TEX19: variants seen among roughly 807,000 people sequenced by gnomAD.
TEX19 encodes the protein testis expressed 19, also known as testis-expressed protein 19.
For missense variants in TEX19, 184 were observed against 194.4 expected, an observed-to-expected ratio of 0.95 and a Z score of 0.32; for synonymous variants, 77 against 73.9, an observed-to-expected ratio of 1.04 and a Z score of -0.21.
chr17:82,359,526 CAGTTTCCCTCAGGTTCCCT>C (rs2052357945), intron 1 of TEX19, among the ~76,000 whole-genome samples: 1 of 127,474 alleles, frequency 7.8e-6, no homozygotes, highest in Non-Finnish European at 1.7e-5. Flanking sequence ...CAGGTTCCCT[CAGTTTCCCTCAGGTTCCCT>C]CAGTTTCCCT....
Position 82,362,644 on chromosome 17 carries a change from A to G in TEX19, c.494A>G (p.Ter165TrpextTer32), listed in dbSNP as rs1567854255. ...CACTGGCCAAGCTTCTTTCCTTCAT[A>G]GCAGGGGTTTCTCAAAGTGGACCTG... is the stretch of plus-strand genomic sequence containing the variant. ...CSHWPSFFPS[*>W] The change falls in exon 2 of 2, where the codon TAG becomes TGG. Residue 165 changes from the stop codon to tryptophan (W), a stop_lost. Transcript: ENST00000333437. This position sits in a 1 kb window ranked among gnomAD's most constrained non-coding sequence, Gnocchi z 5.5. The G allele has an allele frequency of 6.5e-7, 1 of 1,533,742 alleles. No homozygotes were observed. Among genetic ancestry groups the G allele is most frequent in the Non-Finnish European group, 8.7e-7 (1 of 1,145,606 alleles).
Position 82,361,942 on chromosome 17 carries a change from C to A in TEX19, c.-209C>A. The A allele has an allele frequency of 1.3e-6, 1 of 758,188 alleles. No individual in the cohort carries two copies. The highest frequency in any genetic ancestry group is 2.0e-6 in the Non-Finnish European group (1 of 496,704). 47.0% of individuals were successfully genotyped at this position (758,188 alleles called of 1,614,324 possible). On this transcript the variant is annotated 5_prime_UTR_variant, in exon 2 of 2. Transcript: ENST00000333437. ...ATTTCCAGAAGTTCAAGCTTCCACC[C>A]TCTGCAGGTCCCCACTGAGCTGGGA...
intron 1 of TEX19, chr17:82,361,530 GTTCCCCCAGT>G (rs1174380875): frequency 1.3e-6 from 1 of 755,596 alleles, no homozygotes; most frequent in African/African-American, 2.7e-5. Flanking sequence ...TTTCCCTCAG[GTTCCCCCAGT>G]TTCCCTCAGG....
Position 82,362,257 on chromosome 17 carries a change from C to A in TEX19, c.107C>A (p.Thr36Asn). Reference protein sequence around the residue: ...QHGDQLSICFTCFKAAFLDFK... With the variant: ...QHGDQLSICFNCFKAAFLDFK... ...GGAGATCAGCTAAGCATTTGCTTCA[C>A]CTGCTTCAAGGCTGCCTTTCTAGAC... The change falls in exon 2 of 2, where the codon ACC (threonine) becomes AAC (asparagine). Residue 36 changes from threonine (T) to asparagine (N), a missense_variant. By Grantham distance (65) the Thr-to-Asn change is moderately conservative. Coordinates refer to ENST00000333437, the MANE Select transcript of TEX19 (RefSeq NM_207459.4). The surrounding 1 kb of genome is among the most constrained non-coding windows in gnomAD (Gnocchi z 5.5). The A allele has an allele frequency of 6.2e-7, 1 of 1,614,054 alleles. No individual in the cohort carries two copies. Among genetic ancestry groups the A allele is most frequent in the South Asian group, 1.1e-5 (1 of 91,092 alleles).
In TEX19 at chr17:82,362,345, G is replaced by A; in HGVS notation, c.195G>A (p.Glu65=). ...ACAACTGGGACCCTGAGCTGATGGA[G>A]CACACTGAGGCAGAGTCAGAGCAGG... ...EEDNWDPELM[E]HTEAESEQEG... Residue 65 remains glutamate (E), a synonymous_variant, in exon 2 of 2, where the codon GAG becomes GAA. Coordinates refer to ENST00000333437, the MANE Select transcript of TEX19 (RefSeq NM_207459.4). This position sits in a 1 kb window ranked among gnomAD's most constrained non-coding sequence, Gnocchi z 5.5. 1.2e-6 allele frequency: 2 copies of A among 1,613,766 alleles called. No individual in the cohort carries two copies. The highest frequency in any genetic ancestry group is 1.3e-5 in the African/African-American group (1 of 75,064).
At chr17:82,361,495 C>T in intron 1 of TEX19, 2 of 504,560 alleles carry the variant, frequency 4.0e-6, no homozygotes, top group Non-Finnish European at 5.1e-6. Flanking sequence ...CTCAGGTTCC[C>T]CCAGTTTCCC....
intron 1 of TEX19, among the ~76,000 whole-genome samples, chr17:82,359,926 GT>G (rs1445923845): frequency 6.0e-4 from 69 of 115,048 alleles, no homozygotes; most frequent in Admixed American, 1.0e-3. Flanking sequence ...GTTTCCCTCA[GT>G]TTCCCTCAAG....
Position 82,362,497 on chromosome 17 carries a change from A to T in TEX19, c.347A>T (p.Asp116Val). Residue 116 changes from aspartate (D) to valine (V), a missense_variant, in exon 2 of 2, where the codon GAC becomes GTC. By Grantham distance (152) the Asp-to-Val change is radical (BLOSUM62 -3). Transcript: ENST00000333437. The surrounding 1 kb of genome is among the most constrained non-coding windows in gnomAD (Gnocchi z 5.5). ...GAAGGGTTGGAAGATGCAGGTCTGG[A>T]CCCCCACTTTGTCCCCACTGAACTA... ...APEGLEDAGL[D>V]PHFVPTELWP... 1 of 1,612,536 alleles carries T rather than the reference A, an allele frequency of 6.2e-7. No individual in the cohort carries two copies. The highest frequency in any genetic ancestry group is 1.1e-5 in the South Asian group (1 of 91,062).
Position 82,362,201 on chromosome 17 carries a change from C to A in TEX19, c.51C>A (p.Leu17=). 2 of 1,613,526 alleles carry A rather than the reference C, an allele frequency of 1.2e-6. No individual in the cohort carries two copies. Among genetic ancestry groups the A allele is most frequent in the Non-Finnish European group, 1.7e-6 (2 of 1,179,972 alleles). ...ATGAGGAAGAGGGCATGTCCTACCTCTACGCCTCCTGGATGTATCAGCTTC... is the reference window on the plus strand; with the variant it reads ...ATGAGGAAGAGGGCATGTCCTACCTATACGCCTCCTGGATGTATCAGCTTC... The part of the protein sequence containing the change: ...MRYEEEGMSY[L]YASWMYQLQH... The change falls in exon 2 of 2, where the codon CTC becomes CTA. Residue 17 remains leucine (L), a synonymous_variant. Transcript: ENST00000333437. The surrounding 1 kb of genome is among the most constrained non-coding windows in gnomAD (Gnocchi z 5.5).
Position 82,362,161 on chromosome 17 carries a change from C to T in TEX19, c.11C>T (p.Pro4Leu), listed in dbSNP as rs371327683. ...GCAGGCAGCCTGGCCATGTGCCCTC[C>T]GGTCAGCATGCGGTATGAGGAAGAG... The part of the protein sequence containing the change: MCP[P>L]VSMRYEEEGM... The change falls in exon 2 of 2, where the codon CCG (proline) becomes CTG (leucine). Residue 4 changes from proline (P) to leucine (L), a missense_variant. Pro to Leu is a moderately conservative substitution (Grantham distance 98). Coordinates refer to ENST00000333437, the MANE Select transcript of TEX19 (RefSeq NM_207459.4). The surrounding 1 kb of genome is among the most constrained non-coding windows in gnomAD (Gnocchi z 5.5). 381 of 1,606,964 alleles carry T rather than the reference C, an allele frequency of 2.4e-4. 2 individuals carry two copies. The highest frequency in any genetic ancestry group is 1.5e-3 in the South Asian group (136 of 90,146).
At position 82,363,694 on chromosome 17, in the gene TEX19, C is replaced by T. The variant is rs937602669; in HGVS notation, c.*1049C>T. Reference sequence around the variant, plus strand: ...GGGAGAGCTGGTTTTAAATGTTGGCCGTTGATGCAATTTAACCATTTAATT... The same window carrying T: ...GGGAGAGCTGGTTTTAAATGTTGGCTGTTGATGCAATTTAACCATTTAATT... On this transcript the variant is annotated 3_prime_UTR_variant, in exon 2 of 2. Transcript: ENST00000333437. The T allele has an allele frequency of 4.2e-5, 7 of 166,930 alleles. No individual in the cohort carries two copies. Among genetic ancestry groups the T allele is most frequent in the Admixed American group, 3.3e-4 (5 of 15,274 alleles). The allele number at this position is 166,930 out of a possible 1,614,324, so 10.3% of individuals were successfully genotyped here. A position where few individuals can be genotyped will look rare whatever the true frequency, so the allele number is the denominator to read the frequency against.
At chr17:82,359,771 C>CA (rs1313439725) in intron 1 of TEX19, among the ~76,000 whole-genome samples, 2 of 121,622 alleles carry the variant, frequency 1.6e-5, no homozygotes, top group East Asian at 2.3e-4. Flanking sequence ...CAGCTTCCCT[C>CA]AGGTTCCCTC....
At position 82,362,281 on chromosome 17, in the gene TEX19, A is replaced by C. The variant is rs559280155; in HGVS notation, c.131A>C (p.Asp44Ala). ...CFTCFKAAFL[D>A]FKDLLESEDW... ...ACCTGCTTCAAGGCTGCCTTTCTAG[A>C]CTTTAAAGACTTGCTGGAGTCAGAG... The change falls in exon 2 of 2, where the codon GAC (aspartate) becomes GCC (alanine). Residue 44 changes from aspartate to alanine, a missense_variant. By Grantham distance (126) the Asp-to-Ala change is moderately radical. Transcript: ENST00000333437. The surrounding 1 kb of genome is among the most constrained non-coding windows in gnomAD (Gnocchi z 5.5). 1.2e-6 allele frequency: 2 copies of C among 1,613,994 alleles called. No homozygotes were observed. Among genetic ancestry groups the C allele is most frequent in the Non-Finnish European group, 1.7e-6 (2 of 1,179,984 alleles).
At position 82,362,426 on chromosome 17, in the gene TEX19, G is replaced by T. The variant is rs777468964; in HGVS notation, c.276G>T (p.Gln92His). 5.6e-6 allele frequency: 9 copies of T among 1,612,910 alleles called. No homozygotes were observed. The highest frequency in any genetic ancestry group is 1.6e-4 in the Middle Eastern group (1 of 6,062). Residue 92 changes from glutamine to histidine, a missense_variant, in exon 2 of 2, where the codon CAG (glutamine) becomes CAT (histidine). By Grantham distance (24) the Gln-to-His change is conservative. Transcript: ENST00000333437. The surrounding 1 kb of genome is among the most constrained non-coding windows in gnomAD (Gnocchi z 5.5). ...SWGQSPGQPVQGGSEAWGPGT... is the reference protein window; with the variant it reads ...SWGQSPGQPVHGGSEAWGPGT... Reference sequence around the variant, plus strand: ...GGCAGAGCCCAGGACAGCCTGTGCAGGGGGGCTCTGAGGCATGGGGGCCAG... The same window carrying T: ...GGCAGAGCCCAGGACAGCCTGTGCATGGGGGCTCTGAGGCATGGGGGCCAG...
chr17:82,360,272 G>C (rs1372839474), intron 1 of TEX19, among the ~76,000 whole-genome samples: 1 of 52,048 alleles, frequency 1.9e-5, no homozygotes, highest in East Asian at 5.1e-4. Flanking sequence ...GTTCCCTCAG[G>C]TTCCCCCAGT....
Position 82,362,841 on chromosome 17 carries a change from T to C in TEX19, c.*196T>C. 1 of 617,266 alleles carries C rather than the reference T, an allele frequency of 1.6e-6. No homozygotes were observed. The highest frequency in any genetic ancestry group is 2.6e-6 in the Non-Finnish European group (1 of 378,114). 38.2% of individuals were successfully genotyped at this position (617,266 alleles called of 1,614,324 possible). A position where few individuals can be genotyped will look rare whatever the true frequency, so the allele number is the denominator to read the frequency against. ...GGCCCTGAGGACCCCAGGGCAGCAC[T>C]GGAAATTGCTGCTGGAGCCTGGTGA... is the stretch of plus-strand genomic sequence containing the variant. On this transcript the variant is annotated 3_prime_UTR_variant, in exon 2 of 2. Transcript: ENST00000333437. This position sits in a 1 kb window ranked among gnomAD's most constrained non-coding sequence, Gnocchi z 5.5.
chr17:82,361,263 C>G (rs1262221685), intron 1 of TEX19, among the ~76,000 whole-genome samples: 1 of 13,728 alleles, frequency 7.3e-5, no homozygotes, highest in East Asian at 2.9e-3. Context: ...CCCTCAGGTT[C>G]CCCCAGTTTC....
chr17:82,362,542 C>T lies in TEX19; in HGVS notation c.392C>T (p.Pro131Leu), dbSNP rs1479032497. 3 of 1,612,608 alleles carry T rather than the reference C, an allele frequency of 1.9e-6. No individual in the cohort carries two copies. The highest frequency in any genetic ancestry group is 1.7e-6 in the Non-Finnish European group (2 of 1,179,804). ...PTELWPQEAV[P>L]LGLGLEDADW... ...GAACTATGGCCTCAGGAGGCTGTGC[C>T]CCTGGGCCTGGGCCTTGAGGATGCT... is the stretch of plus-strand genomic sequence containing the variant. The change falls in exon 2 of 2, where the codon CCC (proline) becomes CTC (leucine). Residue 131 changes from proline to leucine, a missense_variant. By Grantham distance (98) the Pro-to-Leu change is moderately conservative. Coordinates refer to ENST00000333437, the MANE Select transcript of TEX19 (RefSeq NM_207459.4). The surrounding 1 kb of genome is among the most constrained non-coding windows in gnomAD (Gnocchi z 5.5).
At position 82,362,411 on chromosome 17, in the gene TEX19, AG is replaced by A. The variant is rs746659558; in HGVS notation, c.263del (p.Gly88AspfsTer94). Reference protein sequence around the residue: ...GMELSWGQSPGQPVQGGSEAW... With the variant: ...GMELSWGQSPXQPVQGGSEAW... The stretch of plus-strand genomic sequence containing the variant: ...TGGAGCTGAGCTGGGGGCAGAGCCC[AG>A]GACAGCCTGTGCAGGGGGGCTCTGA... On this transcript the variant is annotated frameshift_variant, in exon 2 of 2. Transcript: ENST00000333437. LOFTEE classifies it low-confidence loss of function (END_TRUNC). This position sits in a 1 kb window ranked among gnomAD's most constrained non-coding sequence, Gnocchi z 5.5. 1.2e-6 allele frequency: 2 copies of A among 1,613,100 alleles called. No homozygotes were observed. Among genetic ancestry groups the A allele is most frequent in the Admixed American group, 3.3e-5 (2 of 60,020 alleles).
Sources: gnomAD v4.1 joint callset for allele counts (sites outside exome capture counted in the v4.1 genomes callset) on GRCh38, gnomAD v4.1.1 for gene constraint, Gnocchi (gnomAD v3.1) non-coding constraint, MANE v1.5 for transcripts, NCBI Gene and HGNC (gene_info 2026-07-23, HGNC 2026-07-21) for gene names.